Variants in TRIM36 observed in about 807,000 individuals in gnomAD.
The protein encoded by TRIM36 is E3 ubiquitin-protein ligase TRIM36.
In TRIM36, 42 loss-of-function variants were observed where a neutral mutation model predicts 72.4. The observed-to-expected ratio is 0.58, with a 90% CI of 0.45 to 0.75. The LOEUF is 0.75. TRIM36 is among the 30% of genes least tolerant of loss of function. The pLI is 0.00. For missense variants in TRIM36, 913 were observed against 857.1 expected (o/e 1.07, Z -0.81); for synonymous variants, 315 against 282.8 (o/e 1.11, Z -1.14).
At chr5:115,149,045 C>G (rs1753747133) in intron 2 of TRIM36, 1 of 152,106 alleles carries the variant, frequency 6.6e-6, no homozygotes. Context: ...TCTACTTATA[C>G]AACAAACATG....
In TRIM36 at chr5:115,158,210, A is replaced by C. The variant is rs60723642; in HGVS notation, c.262+5308T>G. 6.6e-5 allele frequency among the ~76,000 whole-genome samples: 10 copies of C among 151,872 alleles called. No homozygotes were observed. The East Asian group carries it at 2.0e-3, about 30-fold the overall frequency. On this transcript the variant is annotated intron_variant, in intron 2 of 9. Transcript: ENST00000513154. ...CCAAGAAATGCAATTTTATACATCAAACTGAATCTGTGGGGACAATAATAT... is the reference window on the plus strand; with the variant it reads ...CCAAGAAATGCAATTTTATACATCACACTGAATCTGTGGGGACAATAATAT...
At chr5:115,133,139 A>G (rs1004077003) in intron 8 of TRIM36, among the ~76,000 whole-genome samples, 10 of 152,212 alleles carry the variant, frequency 6.6e-5, no homozygotes, top group Non-Finnish European at 2.9e-5. Context: ...TGAGGCAGTG[A>G]CTGAAAGGGG....
intron 1 of TRIM36, among the ~76,000 whole-genome samples, chr5:115,179,360 C>T (rs1429920778): frequency 1.3e-5 from 2 of 152,232 alleles, no homozygotes; most frequent in East Asian, 1.9e-4. Flanking sequence ...TCCCGCTCCT[C>T]CAGCATCTTC....
chr5:115,155,722 A>G (rs1017706534), intron 2 of TRIM36, among the ~76,000 whole-genome samples: 3 of 152,216 alleles, frequency 2.0e-5, no homozygotes, highest in Non-Finnish European at 2.9e-5. Context: ...TGAATGGGGA[A>G]GAGTTGAAAG....
At chr5:115,169,955 C>T, upstream of TRIM36, 1 of 1,215,800 alleles carries the variant, frequency 8.2e-7, no homozygotes, top group Non-Finnish European at 1.0e-6. Flanking sequence ...CACCGCGGGG[C>T]GTGGACAGGG....
intron 5 of TRIM36, among the ~76,000 whole-genome samples, chr5:115,139,070 C>T (rs1239651544): frequency 3.3e-5 from 5 of 152,048 alleles, no homozygotes; most frequent in South Asian, 2.1e-4. Flanking sequence ...CTGCCTGCCT[C>T]GGCCTCTCAA....
At chr5:115,128,758 C>CAAAAGAAAAAAAAAAAA (rs1752498785) in intron 9 of TRIM36, among the ~76,000 whole-genome samples, 1 of 47,022 alleles carries the variant, frequency 2.1e-5, no homozygotes, top group Admixed American at 2.7e-4. Flanking sequence ...GACTCCGTCT[C>CAAAAGAAAAAAAAAAAA]AAAAAAAAAA....
upstream of TRIM36, among the ~76,000 whole-genome samples, chr5:115,173,489 G>C (rs1260664038): frequency 2.6e-5 from 4 of 151,614 alleles, no homozygotes; most frequent in Non-Finnish European, 5.9e-5. Context: ...TGGAACATAA[G>C]GGGGTGGGGG....
upstream of TRIM36, chr5:115,180,260 G>T (rs1034989795): frequency 1.0e-5 from 5 of 483,686 alleles, no homozygotes; most frequent in African/African-American, 8.1e-5. Context: ...CTAGGATCCG[G>T]GTGCAGCGGT....
At chr5:115,172,225 C>A (rs1309847939), upstream of TRIM36, among the ~76,000 whole-genome samples, 1 of 152,128 alleles carries the variant, frequency 6.6e-6, no homozygotes, top group Non-Finnish European at 1.5e-5. Flanking sequence ...TCTCAAGGGA[C>A]ATTTTACAAA....
chr5:115,144,056 A>G (rs888741561), intron 4 of TRIM36, among the ~76,000 whole-genome samples: 9 of 149,712 alleles, frequency 6.0e-5, no homozygotes, highest in African/African-American at 2.2e-4. Flanking sequence ...TTGTATTTTT[A>G]GTAGAGATGG....
Position 115,130,868 on chromosome 5 carries a change from T to C in TRIM36, c.1520A>G (p.Glu507Gly). ...PAPVFSFLFD[E>G]KCGYNNEHLL... is the part of the protein sequence containing the mutation. ...GTGTTCATTATTATAGCCACATTTT[T>C]CATCAAAGAGGAAGCTGAAAACTAA... The change falls in exon 9 of 10, where the codon GAA (glutamate) becomes GGA (glycine). Residue 507 changes from glutamate (E) to glycine (G), a missense_variant. Coordinates refer to ENST00000513154, the MANE Select transcript of TRIM36 (RefSeq NM_001300759.2). 8 of 1,607,702 alleles carry C rather than the reference T, an allele frequency of 5.0e-6. No homozygotes were observed. The highest frequency in any genetic ancestry group is 6.8e-6 in the Non-Finnish European group (8 of 1,175,622).
Position 115,169,593 on chromosome 5 carries a change from C to A in TRIM36, c.27+15G>T. 1 of 1,508,930 alleles carries A rather than the reference C, an allele frequency of 6.6e-7. No homozygotes were observed. The highest frequency in any genetic ancestry group is 8.8e-7 in the Non-Finnish European group (1 of 1,131,848). 93.5% of individuals were successfully genotyped at this position (1,508,930 alleles called of 1,614,324 possible). On this transcript the variant is annotated intron_variant, in intron 1 of 9. Coordinates refer to ENST00000513154, the MANE Select transcript of TRIM36 (RefSeq NM_001300759.2). ...CCGCCCTCGAGGTGGGGGCGGCGGTCCCCTCCGCACTCACCGGCGAATCTG... is the reference window on the plus strand; with the variant it reads ...CCGCCCTCGAGGTGGGGGCGGCGGTACCCTCCGCACTCACCGGCGAATCTG...
chr5:115,173,919 ATTAC>A (rs965753010), upstream of TRIM36, among the ~76,000 whole-genome samples: 1 of 152,170 alleles, frequency 6.6e-6, no homozygotes, highest in African/African-American at 2.4e-5. Flanking sequence ...TACTTCTGGT[ATTAC>A]TTAATTGCTC....
intron 1 of TRIM36, among the ~76,000 whole-genome samples, chr5:115,178,309 A>G (rs908150106): frequency 6.6e-6 from 1 of 152,182 alleles, no homozygotes; most frequent in Admixed American, 6.5e-5. Flanking sequence ...ATTTTGTTCA[A>G]CCAAAGGCAT....
intron 5 of TRIM36, among the ~76,000 whole-genome samples, chr5:115,138,092 T>G (rs139542361): frequency 4.6e-5 from 7 of 152,300 alleles, no homozygotes; most frequent in African/African-American, 1.4e-4. Flanking sequence ...TACTCCAACT[T>G]TTTAAAAAGT....
chr5:115,128,117 T>A (rs1327532789), intron 9 of TRIM36, among the ~76,000 whole-genome samples: 2 of 149,500 alleles, frequency 1.3e-5, no homozygotes, highest in Non-Finnish European at 3.0e-5. Flanking sequence ...GTAGCTCACG[T>A]CTGTAATCCC....
At chr5:115,179,924 A>C in intron 1 of TRIM36, 1 of 1,539,162 alleles carries the variant, frequency 6.5e-7, no homozygotes, top group African/African-American at 1.4e-5. Flanking sequence ...CGGGCCAGGT[A>C]GTGCCGGAGT....
At chr5:115,175,960 A>G (rs1198900729) in intron 1 of TRIM36, among the ~76,000 whole-genome samples, 7 of 152,122 alleles carry the variant, frequency 4.6e-5, no homozygotes, top group Non-Finnish European at 4.4e-5. Context: ...CCCTGTCTCT[A>G]CTAATAATAC....
Sources: gnomAD v4.1 joint callset for allele counts (sites outside exome capture counted in the v4.1 genomes callset) on GRCh38, gnomAD v4.1.1 for gene constraint, MANE v1.5 for transcripts, NCBI Gene and HGNC (gene_info 2026-07-23, HGNC 2026-07-21) for gene names.